ZNF829: variants seen among roughly 807,000 people sequenced by gnomAD.
ZNF829 encodes the protein zinc finger protein 829.
In ZNF829, 25 loss-of-function variants were observed where a neutral mutation model predicts 35.2. The ratio of observed to expected loss-of-function variants is 0.71; its 90% CI spans 0.52 to 0.99. ZNF829 has a LOEUF of 0.99. Among genes scored for constraint, ZNF829 ranks in the 50% least tolerant of loss-of-function variants. ZNF829 has a pLI of 0.00. For missense variants in ZNF829, 417 were observed against 515.3 expected (o/e 0.81, Z 1.85); for synonymous variants, 136 against 163.2 (o/e 0.83, Z 1.27).
chr19:36,898,748 T>C (rs1030047917), intron 5 of ZNF829, among the ~76,000 whole-genome samples: 1 of 151,956 alleles, frequency 6.6e-6, no homozygotes, highest in Non-Finnish European at 1.5e-5. Flanking sequence ...AGAACAGACA[T>C]AGGGAAAAGG....
In ZNF829 at chr19:36,915,009, C is replaced by T; in HGVS notation, c.52G>A (p.Glu18Lys). The T allele has an allele frequency of 2.5e-6, 4 of 1,614,172 alleles. No individual in the cohort carries two copies. The highest frequency in any genetic ancestry group is 3.4e-6 in the Non-Finnish European group (4 of 1,180,026). Residue 18 changes from glutamate to lysine, a missense_variant, in exon 3 of 6, where the codon GAG (glutamate) becomes AAG (lysine). Glu to Lys is a moderately conservative substitution (Grantham distance 56). Coordinates refer to ENST00000391711, the MANE Select transcript of ZNF829 (RefSeq NM_001037232.4). ...AGTTCATCATGCATTCTTTCCTCCT[C>T]TTCTGGGTGACACCTGGAGAAAGGT... ...SIPHVWCHPEEEERMHDELLQ... is the reference protein window; with the variant it reads ...SIPHVWCHPEKEERMHDELLQ...
chr19:36,889,218 T>G lies in ZNF829; in HGVS notation c.*2274A>C, dbSNP rs1348842188. On this transcript the variant is annotated 3_prime_UTR_variant, in exon 6 of 6. Coordinates refer to ENST00000391711, the MANE Select transcript of ZNF829 (RefSeq NM_001037232.4). ...TTTGCTAGTATTTTGCTGAAGATTTTTGTGTCTATTTTCATCAGGGATATT... is the reference window on the plus strand; with the variant it reads ...TTTGCTAGTATTTTGCTGAAGATTTGTGTGTCTATTTTCATCAGGGATATT... The G allele has an allele frequency of 6.6e-6, 1 of 152,204 alleles. No homozygotes were observed. Among genetic ancestry groups the G allele is most frequent in the African/African-American group, 2.4e-5 (1 of 41,456 alleles). 9.4% of individuals were successfully genotyped at this position (152,204 alleles called of 1,614,324 possible).
chr19:36,895,703 G>T (rs1312660866), intron 5 of ZNF829, among the ~76,000 whole-genome samples: 1 of 152,044 alleles, frequency 6.6e-6, no homozygotes, highest in Middle Eastern at 3.2e-3. Context: ...GCAAGTGAGA[G>T]TAGCCATACT....
At chr19:36,900,473 T>G (rs989802589) in intron 5 of ZNF829, among the ~76,000 whole-genome samples, 2 of 152,058 alleles carry the variant, frequency 1.3e-5, no homozygotes, top group South Asian at 2.1e-4. Context: ...ATTGCCTGCC[T>G]GTATCAAAAT....
At chr19:36,907,412 T>C (rs1326618156) in intron 5 of ZNF829, 1 of 152,538 alleles carries the variant, frequency 6.6e-6, no homozygotes, top group Non-Finnish European at 1.5e-5. Context: ...ATGTTCTATT[T>C]ATCGTCCTAG....
chr19:36,903,526 T>G (rs2073189541), intron 5 of ZNF829, among the ~76,000 whole-genome samples: 1 of 152,212 alleles, frequency 6.6e-6, no homozygotes, highest in South Asian at 2.1e-4. Flanking sequence ...ACATCTTTCT[T>G]TATAATTTGA....
At chr19:36,899,322 G>A (rs1385722812) in intron 5 of ZNF829, among the ~76,000 whole-genome samples, 2 of 151,890 alleles carry the variant, frequency 1.3e-5, no homozygotes, top group Non-Finnish European at 2.9e-5. Flanking sequence ...GCATGCACCT[G>A]CAGTCTTAGC....
chr19:36,914,406 TG>T (rs1456931881), intron 3 of ZNF829, among the ~76,000 whole-genome samples: 1 of 152,114 alleles, frequency 6.6e-6, no homozygotes, highest in East Asian at 1.9e-4. Flanking sequence ...AGATTTGAAC[TG>T]ACATGTCACA....
intron 5 of ZNF829, chr19:36,902,069 T>G (rs953828451): frequency 7.6e-6 from 4 of 527,954 alleles, no homozygotes; most frequent in Non-Finnish European, 1.4e-5. Flanking sequence ...TATCTATGTA[T>G]CTGTTACCAC....
intron 1 of ZNF829, 86 bp downstream of exon 1, chr19:36,915,925 G>A (rs1461632908): frequency 1.3e-6 from 2 of 1,535,976 alleles, no homozygotes; most frequent in Non-Finnish European, 1.7e-6. Context: ...ATCGGTCTTC[G>A]GTATCCTCAC....
Position 36,891,408 on chromosome 19 carries a change from T to C in ZNF829, c.*84A>G. 1 of 1,345,398 alleles carries C rather than the reference T, an allele frequency of 7.4e-7. No individual in the cohort carries two copies. The highest frequency in any genetic ancestry group is 9.9e-7 in the Non-Finnish European group (1 of 1,006,312). 83.3% of individuals were successfully genotyped at this position (1,345,398 alleles called of 1,614,324 possible). ...AACGAATACATAGGAGAACCTTTGA[T>C]AATATGTATCCTAATTTGTTCTCCT... On this transcript the variant is annotated 3_prime_UTR_variant, in exon 6 of 6. Coordinates refer to ENST00000391711, the MANE Select transcript of ZNF829 (RefSeq NM_001037232.4).
chr19:36,916,266 C>T lies in ZNF829; in HGVS notation c.-340G>A, dbSNP rs1406703538. On this transcript the variant is annotated 5_prime_UTR_variant, in exon 1 of 6. Transcript: ENST00000391711. This position sits in a 1 kb window ranked among gnomAD's most constrained non-coding sequence, Gnocchi z 5.3. ...CGGGGAACCCGGCCCAAGCCTCACC[C>T]TCACACAGGAAAGCAGATGTGTTCT... 6.5e-6 allele frequency: 2 copies of T among 307,354 alleles called. No homozygotes were observed. Among genetic ancestry groups the T allele is most frequent in the Admixed American group, 1.0e-4 (2 of 19,228 alleles). 19.0% of individuals were successfully genotyped at this position (307,354 alleles called of 1,614,324 possible).
At chr19:36,915,052 G>A in intron 2 of ZNF829, 30 bp from the exon 3 acceptor site, 1 of 1,614,108 alleles carries the variant, frequency 6.2e-7, no homozygotes. Context: ...GGAGAGGGAA[G>A]AGTAACTGTG....
chr19:36,913,155 G>A (rs1044475814), intron 3 of ZNF829: 2 of 152,216 alleles, frequency 1.3e-5, no homozygotes, highest in Admixed American at 1.3e-4. Flanking sequence ...TGGCACAGGA[G>A]AGGGAAGACT....
chr19:36,903,734 T>G (rs2073191599), intron 5 of ZNF829, among the ~76,000 whole-genome samples: 1 of 150,690 alleles, frequency 6.6e-6, no homozygotes, highest in South Asian at 2.1e-4. Context: ...CTACTAAAAA[T>G]AAAAAAATTA....
intron 4 of ZNF829, 33 bp from the exon 5 acceptor site, chr19:36,908,057 T>G: frequency 6.3e-7 from 1 of 1,585,114 alleles, no homozygotes; most frequent in Non-Finnish European, 8.6e-7. Context: ...GACATGGTTA[T>G]GCTGTGGGGT....
chr19:36,908,167 A>G (rs1020220632), intron 4 of ZNF829, 143 bp from the exon 5 acceptor site: 3 of 1,196,378 alleles, frequency 2.5e-6, no homozygotes, highest in African/African-American at 1.5e-5. Context: ...GCCACAGCCC[A>G]TTGGAGCTGC....
intron 5 of ZNF829, among the ~76,000 whole-genome samples, chr19:36,900,184 AC>A (rs1245986973): frequency 6.7e-6 from 1 of 150,258 alleles, no homozygotes; most frequent in Admixed American, 6.6e-5. Flanking sequence ...ACACACACAC[AC>A]ACACACACAC....
rs1414233482 is a variant in ZNF829, at chr19:36,888,807, C to CTGT, written c.*2682_*2684dup. On this transcript the variant is annotated 3_prime_UTR_variant, in exon 6 of 6. Transcript: ENST00000391711. Reference sequence around the variant, plus strand: ...ACCTCCCACATTCAAGCAATTTGCTCTGTTGCCCAGGCTGGAGTGCAATGG... The same window carrying CTGT: ...ACCTCCCACATTCAAGCAATTTGCTCTGTTGTTGCCCAGGCTGGAGTGCAATGG... 6.6e-6 allele frequency: 1 copy of CTGT among 152,022 alleles called. No individual in the cohort carries two copies. The highest frequency in any genetic ancestry group is 6.6e-5 in the Admixed American group (1 of 15,244). 9.4% of individuals were successfully genotyped at this position (152,022 alleles called of 1,614,324 possible).
Sources: gnomAD v4.1 joint callset for allele counts (sites outside exome capture counted in the v4.1 genomes callset) on GRCh38, gnomAD v4.1.1 for gene constraint, Gnocchi (gnomAD v3.1) non-coding constraint, MANE v1.5 for transcripts, NCBI Gene and HGNC (gene_info 2026-07-23, HGNC 2026-07-21) for gene names.